Variants in NEDD9 observed in about 807,000 individuals in gnomAD.
The protein encoded by NEDD9 is neural precursor cell expressed, developmentally down-regulated 9.
In NEDD9, 26 loss-of-function variants were observed where a neutral mutation model predicts 76.6. The observed-to-expected ratio is 0.34, with a 90% CI of 0.25 to 0.47. NEDD9 has a LOEUF of 0.47. NEDD9 is among the 20% of genes least tolerant of loss of function. NEDD9 has a pLI of 1.00. For missense variants in NEDD9, 937 were observed against 1,058.5 expected, an observed-to-expected ratio of 0.89 and a Z score of 1.59; for synonymous variants, 392 against 414.2, an observed-to-expected ratio of 0.95 and a Z score of 0.65.
intron 2 of NEDD9, among the ~76,000 whole-genome samples, chr6:11,314,886 T>C (rs990663473): frequency 3.9e-5 from 6 of 152,222 alleles, no homozygotes; most frequent in Non-Finnish European, 7.3e-5. Flanking sequence ...TCCTCAGTTT[T>C]GTATCTTATT....
chr6:11,187,400 C>G (rs910232359), intron 6 of NEDD9, among the ~76,000 whole-genome samples: 1 of 152,192 alleles, frequency 6.6e-6, no homozygotes, highest in Admixed American at 6.5e-5. Context: ...AATGAACATG[C>G]CCTGCCCAAA....
rs117972988 is a variant in NEDD9, at chr6:11,308,975, C to T, written c.-152-2820G>A. Among the ~76,000 whole-genome samples, 617 of 152,266 alleles carry T rather than the reference C, an allele frequency of 4.1e-3. 6 individuals are homozygous for T. In the East Asian group the frequency reaches 0.052, roughly 13 times the overall value. On this transcript the variant is annotated intron_variant, in intron 2 of 3. Coordinates refer to the NEDD9 transcript ENST00000397378. ...TAAGCAAAGCAGCGTCTAAAGTATACTTATGTGTCCTCAATTACTGAATGT... is the reference window on the plus strand; with the variant it reads ...TAAGCAAAGCAGCGTCTAAAGTATATTTATGTGTCCTCAATTACTGAATGT...
chr6:11,319,012 G>C (rs567704033), intron 2 of NEDD9, among the ~76,000 whole-genome samples: 2 of 152,342 alleles, frequency 1.3e-5, no homozygotes, highest in South Asian at 4.1e-4. Context: ...GAGATTTATT[G>C]GGCCTTAGAG....
chr6:11,352,942 AG>A (rs1272007063), intron 1 of NEDD9, among the ~76,000 whole-genome samples: 9 of 152,376 alleles, frequency 5.9e-5, no homozygotes, highest in Admixed American at 5.9e-4. Context: ...ATGGGATAAA[AG>A]CACATGTGGC....
At chr6:11,197,561 T>A (rs1001539183) in intron 2 of NEDD9, among the ~76,000 whole-genome samples, 4 of 152,174 alleles carry the variant, frequency 2.6e-5, no homozygotes, top group Non-Finnish European at 5.9e-5. Flanking sequence ...AGAAGAGCTA[T>A]GAAGCCGAGA....
intron 2 of NEDD9, among the ~76,000 whole-genome samples, chr6:11,195,735 C>CT (rs2113727553): frequency 6.6e-6 from 1 of 152,366 alleles, no homozygotes; most frequent in East Asian, 1.9e-4. Flanking sequence ...TGGCTCATGC[C>CT]TGTAATCCCA....
rs141343680 is a variant in NEDD9, at chr6:11,370,167, T to C, written c.-214+11972A>G. Among the ~76,000 whole-genome samples, 4 of 87,748 alleles carry C rather than the reference T, an allele frequency of 4.6e-5. No homozygotes were observed. The East Asian group carries it at 7.1e-4, about 16-fold the overall frequency. The allele number at this position is 87,748 out of a possible 152,430, so 57.6% of individuals were successfully genotyped here. On this transcript the variant is annotated intron_variant, in intron 1 of 3. Coordinates refer to the NEDD9 transcript ENST00000397378. The surrounding 1 kb of genome is among the most constrained non-coding windows in gnomAD (Gnocchi z 4.2). Reference sequence around the variant, plus strand: ...ATAGACACATCTCTCTGCTAAATCATGCTTGTGGGAACCCAAGGAGGCCAG... The same window carrying C: ...ATAGACACATCTCTCTGCTAAATCACGCTTGTGGGAACCCAAGGAGGCCAG...
intron 3 of NEDD9, among the ~76,000 whole-genome samples, chr6:11,299,794 C>T (rs761322696): frequency 9.2e-5 from 14 of 152,140 alleles, no homozygotes; most frequent in Non-Finnish European, 1.3e-4. Flanking sequence ...AACTAACAAA[C>T]GGAAAGGAAT....
intron 1 of NEDD9, among the ~76,000 whole-genome samples, chr6:11,336,143 C>A (rs6457330): frequency 6.6e-6 from 1 of 152,190 alleles, no homozygotes; most frequent in East Asian, 1.9e-4. Context: ...TTCTCATAGG[C>A]CACCTTCCTT....
chr6:11,222,363 G>A (rs926970236), intron 1 of NEDD9, among the ~76,000 whole-genome samples: 6 of 152,188 alleles, frequency 3.9e-5, no homozygotes, highest in African/African-American at 9.6e-5. Flanking sequence ...TCCTCAGAGA[G>A]TTTTAGAAAA....
intron 2 of NEDD9, among the ~76,000 whole-genome samples, chr6:11,327,288 T>G (rs111316987): frequency 2.0e-5 from 3 of 152,358 alleles, no homozygotes; most frequent in Admixed American, 6.5e-5. Context: ...GATTTCAAAA[T>G]TATCATATCA....
intron 1 of NEDD9, among the ~76,000 whole-genome samples, chr6:11,367,161 C>T (rs886819204): frequency 1.3e-5 from 2 of 152,196 alleles, no homozygotes; most frequent in Admixed American, 6.5e-5. Flanking sequence ...CTTCATTAAT[C>T]CTTCCTCCTT....
intron 3 of NEDD9, among the ~76,000 whole-genome samples, chr6:11,247,753 A>C (rs1319024534): frequency 6.6e-6 from 1 of 152,250 alleles, no homozygotes; most frequent in African/African-American, 2.4e-5. Context: ...TATGTATTTC[A>C]AAAGATGACT....
At chr6:11,329,737 G>A (rs1268083907) in intron 2 of NEDD9, among the ~76,000 whole-genome samples, 1 of 152,038 alleles carries the variant, frequency 6.6e-6, no homozygotes, top group East Asian at 1.9e-4. Flanking sequence ...GTCTCGAGAT[G>A]TTTTTTGACT....
At chr6:11,279,338 T>G (rs181992199) in intron 3 of NEDD9, among the ~76,000 whole-genome samples, 1 of 152,338 alleles carries the variant, frequency 6.6e-6, no homozygotes, top group Admixed American at 6.5e-5. Context: ...ACAGATGACA[T>G]TTTCATATTT....
chr6:11,280,966 C>A (rs1012434830), intron 3 of NEDD9, among the ~76,000 whole-genome samples: 17 of 152,344 alleles, frequency 1.1e-4, no homozygotes, highest in Middle Eastern at 3.4e-3. Context: ...GATACATGGA[C>A]CTTCAAGGCC....
At chr6:11,215,988 C>T (rs1211558999) in intron 1 of NEDD9, among the ~76,000 whole-genome samples, 1 of 152,184 alleles carries the variant, frequency 6.6e-6, no homozygotes, top group African/African-American at 2.4e-5. Context: ...GTGCGAGAGT[C>T]GTCCTGGGCG....
chr6:11,342,114 ACACAG>A (rs1762285009), intron 1 of NEDD9, among the ~76,000 whole-genome samples: 1 of 152,008 alleles, frequency 6.6e-6, no homozygotes, highest in Non-Finnish European at 1.5e-5. Context: ...GAAGTTGGAG[ACACAG>A]CAGTAGAAAA....
chr6:11,291,704 A>C (rs1232695650), intron 3 of NEDD9, among the ~76,000 whole-genome samples: 1 of 152,172 alleles, frequency 6.6e-6, no homozygotes, highest in African/African-American at 2.4e-5. Context: ...TACTTAACAG[A>C]TAGGGTTGCA....
Sources: allele counts gnomAD v4.1 joint callset (sites outside exome capture counted in the v4.1 genomes callset), GRCh38; gene constraint gnomAD v4.1.1; non-coding constraint Gnocchi (gnomAD v3.1); transcripts MANE v1.5; gene names NCBI Gene and HGNC (gene_info 2026-07-23, HGNC 2026-07-21).